MID1: variants seen among roughly 807,000 people sequenced by gnomAD.
MID1 encodes the protein midline 1.
In MID1, 7 loss-of-function variants were observed where a neutral mutation model predicts 40.4. The observed-to-expected ratio is 0.17, with a 90% CI of 0.10 to 0.33. The LOEUF (loss-of-function observed/expected upper bound fraction) is 0.33. Among genes scored for constraint, MID1 ranks in the 10% least tolerant of loss-of-function variants. The pLI is 1.00. For synonymous variants in MID1, 229 were observed against 221.2 expected, an observed-to-expected ratio of 1.04 and a Z score of -0.31; for missense variants, 367 against 558.5, an observed-to-expected ratio of 0.66 and a Z score of 3.46.
At chrX:10,462,749 T>C (rs1929124928) in intron 7 of MID1, among the ~76,000 whole-genome samples, 1 of 111,484 alleles carries the variant, frequency 9.0e-6, no homozygotes, top group Admixed American at 9.6e-5. Flanking sequence ...TTCAGAGCCT[T>C]GTATGGCAAC....
chrX:10,769,829 T>C (rs1186025271), intron 1 of MID1, among the ~76,000 whole-genome samples: 1 of 111,525 alleles, frequency 9.0e-6, no homozygotes, highest in Non-Finnish European at 1.9e-5. Flanking sequence ...GCATGAAGTA[T>C]GCTGTTTGTT....
chrX:10,810,194 A>C (rs896928044), intron 1 of MID1, among the ~76,000 whole-genome samples: 1 of 111,856 alleles, frequency 8.9e-6, no homozygotes, highest in Non-Finnish European at 1.9e-5. Context: ...AGCTCCTGGT[A>C]ATCTCTGTTC....
rs201547880 is a variant in MID1 at position 10,566,880 on chromosome X, G to A, written c.660+8C>T. 3.6e-5 allele frequency: 44 copies of A among 1,208,247 alleles called. No individual in the cohort carries two copies. In the South Asian group the frequency reaches 7.2e-4, roughly 20 times the overall value. ...GAAAGGGGTTGGCTTAAGGCGGATC[G>A]GACTAACCTTCAATTTGTCATAGCG... On this transcript the variant is annotated splice_region_variant and intron_variant, in intron 2 of 9. Coordinates refer to ENST00000317552, the MANE Select transcript of MID1 (RefSeq NM_000381.4).
At chrX:10,801,779 A>G (rs1325761233) in intron 1 of MID1, among the ~76,000 whole-genome samples, 4 of 112,355 alleles carry the variant, frequency 3.6e-5, no homozygotes, top group African/African-American at 1.3e-4. Flanking sequence ...CCTTTCTGAC[A>G]TCAGCTTTGG....
At chrX:10,464,127 T>C (rs1440616849) in intron 7 of MID1, among the ~76,000 whole-genome samples, 2 of 111,974 alleles carry the variant, frequency 1.8e-5, no homozygotes, top group Non-Finnish European at 3.8e-5. Flanking sequence ...TAAAGGCTGA[T>C]AATCTTCACT....
At chrX:10,455,129 T>C (rs1217030576) in intron 8 of MID1, 52 bp from the exon 9 acceptor site, 5 of 1,054,020 alleles carry the variant, frequency 4.7e-6, no homozygotes, top group Non-Finnish European at 5.3e-6. Context: ...GATTGTTTAT[T>C]TTATCATAAC....
chrX:10,735,732 C>T (rs754315321), intron 1 of MID1, among the ~76,000 whole-genome samples: 1 of 111,168 alleles, frequency 9.0e-6, no homozygotes, highest in East Asian at 2.8e-4. Flanking sequence ...CTCTGTCATC[C>T]AGGCTGGGGT....
intron 1 of MID1, among the ~76,000 whole-genome samples, chrX:10,778,520 G>T (rs1471666386): frequency 8.9e-6 from 1 of 112,399 alleles, no homozygotes; most frequent in Non-Finnish European, 1.9e-5. Flanking sequence ...TGGCAAAAAG[G>T]TCTTTGCAGA....
At chrX:10,722,934 T>C (rs2043367179) in intron 1 of MID1, among the ~76,000 whole-genome samples, 1 of 111,577 alleles carries the variant, frequency 9.0e-6, no homozygotes, top group Non-Finnish European at 1.9e-5. Context: ...GCTGAAGTTA[T>C]GGGTACGTCC....
intron 3 of MID1, among the ~76,000 whole-genome samples, chrX:10,510,795 G>A (rs755933996): frequency 2.4e-5 from 2 of 83,668 alleles, no homozygotes; most frequent in South Asian, 6.8e-4. Flanking sequence ...TCACGCCACC[G>A]CACTCCAGCC....
At chrX:10,633,571 C>A (rs1489621611) in intron 1 of MID1, among the ~76,000 whole-genome samples, 1 of 110,911 alleles carries the variant, frequency 9.0e-6, no homozygotes, top group Non-Finnish European at 1.9e-5. Flanking sequence ...CCTACCTCAG[C>A]CTCCAGAGTA....
chrX:10,768,169 G>T (rs980274045), intron 1 of MID1, among the ~76,000 whole-genome samples: 1 of 110,608 alleles, frequency 9.0e-6, no homozygotes, highest in African/African-American at 3.3e-5. Flanking sequence ...AAAAGATACT[G>T]GTATTATTAA....
At chrX:10,644,947 T>C (rs1484537679) in intron 1 of MID1, among the ~76,000 whole-genome samples, 1 of 112,305 alleles carries the variant, frequency 8.9e-6, no homozygotes, top group Non-Finnish European at 1.9e-5. Context: ...TGCTTTGTCA[T>C]TGCCGTGATT....
At chrX:10,690,131 C>G (rs1341796156) in intron 1 of MID1, among the ~76,000 whole-genome samples, 5 of 111,380 alleles carry the variant, frequency 4.5e-5, no homozygotes, top group African/African-American at 6.5e-5. Context: ...TAACTGTAAT[C>G]AAGATGCTGA....
intron 1 of MID1, among the ~76,000 whole-genome samples, chrX:10,709,725 T>C (rs1010908072): frequency 3.6e-5 from 4 of 112,354 alleles, no homozygotes; most frequent in African/African-American, 9.7e-5. Context: ...CTGAACCCTG[T>C]ACATTTTTGG....
At chrX:10,829,883 G>A (rs1410987320) in intron 1 of MID1, among the ~76,000 whole-genome samples, 1 of 111,622 alleles carries the variant, frequency 9.0e-6, no homozygotes, top group Non-Finnish European at 1.9e-5. Flanking sequence ...AAACTTGTAC[G>A]CTAATAATTT....
intron 6 of MID1, among the ~76,000 whole-genome samples, chrX:10,470,791 A>C (rs1310642442): frequency 8.0e-5 from 9 of 112,223 alleles, no homozygotes; most frequent in Admixed American, 4.7e-4. Flanking sequence ...ACTTCTACTG[A>C]ATTGATTTCA....
intron 1 of MID1, among the ~76,000 whole-genome samples, chrX:10,618,084 C>T (rs746772451): frequency 9.3e-6 from 1 of 107,815 alleles, no homozygotes; most frequent in East Asian, 2.8e-4. Context: ...TCTGGCTACC[C>T]AGAATTTCTG....
intron 1 of MID1, among the ~76,000 whole-genome samples, chrX:10,641,458 A>G (rs1309953725): frequency 8.9e-6 from 1 of 111,919 alleles, no homozygotes; most frequent in African/African-American, 3.3e-5. Context: ...CATCCTCCCA[A>G]GACTAAACCA....
Sources: allele counts gnomAD v4.1 joint callset (sites outside exome capture counted in the v4.1 genomes callset), GRCh38; gene constraint gnomAD v4.1.1; transcripts MANE v1.5; gene names NCBI Gene and HGNC (gene_info 2026-07-23, HGNC 2026-07-21).